Variants in PPARGC1A observed in about 807,000 individuals in gnomAD.
The protein encoded by PPARGC1A is peroxisome proliferator-activated receptor gamma coactivator 1-alpha.
Under a neutral mutation model 88.7 loss-of-function variants are expected in PPARGC1A, and 25 were observed. That is an observed-to-expected ratio of 0.28 (90% CI 0.21 to 0.39). The LOEUF (loss-of-function observed/expected upper bound fraction) is 0.39, where lower values mean the gene tolerates loss of function less well. Ranked by LOEUF, PPARGC1A falls within the 10% of genes least tolerant of loss-of-function variation. The pLI is 1.00. For missense variants in PPARGC1A, 880 were observed against 968.7 expected, an observed-to-expected ratio of 0.91 and a Z score of 1.22; for synonymous variants, 363 against 355.6, an observed-to-expected ratio of 1.02 and a Z score of -0.24.
the PPARGC1A span, among the ~76,000 whole-genome samples, chr4:24,259,191 G>A: frequency 6.6e-5 from 10 of 152,296 alleles, no homozygotes; most frequent in South Asian, 2.1e-3. Context: ...TAAAAGATGG[G>A]TCTCCTTAAA....
the PPARGC1A span, among the ~76,000 whole-genome samples, chr4:24,292,136 C>G: frequency 1.3e-5 from 2 of 152,128 alleles, no homozygotes; most frequent in Non-Finnish European, 1.5e-5. Flanking sequence ...AGACTCGCCT[C>G]CGCCACGGAG....
At chr4:23,904,070 T>C (rs1248573234), upstream of PPARGC1A, 9 of 982,084 alleles carry the variant, frequency 9.2e-6, no homozygotes, top group Non-Finnish European at 9.7e-6. Context: ...ACTGGTATCA[T>C]GAGATGAGGG....
chr4:23,797,949 G>T (rs964682964), intron 12 of PPARGC1A, among the ~76,000 whole-genome samples: 1 of 151,914 alleles, frequency 6.6e-6, no homozygotes, highest in East Asian at 1.9e-4. Context: ...ATTCCACAAC[G>T]AAAGAAGTGA....
the PPARGC1A span, among the ~76,000 whole-genome samples, chr4:24,387,742 AAGAAAGAGAGAGAG>A: frequency 3.7e-5 from 3 of 80,542 alleles, no homozygotes; most frequent in African/African-American, 1.2e-4. Context: ...TCAAGAAAGA[AAGAAAGAGAGAGAG>A]AGAGAGAGAG....
chr4:24,234,665 A>G, the PPARGC1A span, among the ~76,000 whole-genome samples: 1 of 152,338 alleles, frequency 6.6e-6, no homozygotes, highest in Non-Finnish European at 1.5e-5. Context: ...TAAGACGCTT[A>G]CACACTACTG....
chr4:24,392,195 C>A, the PPARGC1A span, among the ~76,000 whole-genome samples: 3 of 152,158 alleles, frequency 2.0e-5, no homozygotes, highest in African/African-American at 7.2e-5. Context: ...TGCCGTCAGT[C>A]ATTAAAACTT....
At chr4:24,054,775 G>GAA in the PPARGC1A span, among the ~76,000 whole-genome samples, 1 of 152,074 alleles carries the variant, frequency 6.6e-6, no homozygotes, top group Non-Finnish European at 1.5e-5. Flanking sequence ...TGTGCTTTAA[G>GAA]GTGTCTTTCA....
chr4:24,009,262 G>T, the PPARGC1A span, among the ~76,000 whole-genome samples: 1 of 151,664 alleles, frequency 6.6e-6, no homozygotes, highest in Non-Finnish European at 1.5e-5. Flanking sequence ...GCGATCTTAC[G>T]TTAATAAGCT....
chr4:24,291,664 T>A, the PPARGC1A span, among the ~76,000 whole-genome samples: 3 of 152,184 alleles, frequency 2.0e-5, no homozygotes, highest in Non-Finnish European at 4.4e-5. Context: ...GTCCTGCTGA[T>A]CCCGAAGCCC....
At chr4:24,280,601 T>C in the PPARGC1A span, among the ~76,000 whole-genome samples, 4 of 152,224 alleles carry the variant, frequency 2.6e-5, no homozygotes, top group Non-Finnish European at 2.9e-5. Context: ...TCCCTGCTAA[T>C]GAGTAGAAAA....
chr4:24,050,250 C>T, the PPARGC1A span, among the ~76,000 whole-genome samples: 11 of 128,772 alleles, frequency 8.5e-5, no homozygotes, highest in African/African-American at 1.1e-4. Context: ...GGCTGGAGTA[C>T]TGTGGCATGA....
At chr4:23,967,012 A>T in the PPARGC1A span, among the ~76,000 whole-genome samples, 4 of 152,188 alleles carry the variant, frequency 2.6e-5, no homozygotes, top group Admixed American at 2.6e-4. Flanking sequence ...AGCCTTGTTG[A>T]CAGCATATGC....
the PPARGC1A span, among the ~76,000 whole-genome samples, chr4:23,936,554 T>C: frequency 1.3e-5 from 2 of 152,120 alleles, no homozygotes; most frequent in Non-Finnish European, 2.9e-5. Context: ...CTGGGGAACA[T>C]GGACAAACCC....
chr4:24,224,302 C>T, the PPARGC1A span, among the ~76,000 whole-genome samples: 1 of 152,020 alleles, frequency 6.6e-6, no homozygotes, highest in African/African-American at 2.4e-5. Context: ...AAGAATAAGA[C>T]AGGTACTCAA....
chr4:23,833,690 A>C (rs551015439), intron 2 of PPARGC1A, among the ~76,000 whole-genome samples: 1 of 152,322 alleles, frequency 6.6e-6, no homozygotes, highest in Non-Finnish European at 1.5e-5. Flanking sequence ...TGTTTTCCTT[A>C]ATTCCTGATC....
intron 10 of PPARGC1A, among the ~76,000 whole-genome samples, chr4:23,810,410 G>C (rs1376436505): frequency 1.3e-5 from 2 of 152,190 alleles, no homozygotes; most frequent in African/African-American, 4.8e-5. Context: ...GTCAACATTT[G>C]TAACACAAAG....
At chr4:24,046,404 G>A in the PPARGC1A span, among the ~76,000 whole-genome samples, 1 of 152,094 alleles carries the variant, frequency 6.6e-6, no homozygotes, top group African/African-American at 2.4e-5. Context: ...CTCTCTCAAA[G>A]GAGCCCCTTC....
the PPARGC1A span, among the ~76,000 whole-genome samples, chr4:24,047,544 G>A: frequency 6.6e-6 from 1 of 152,164 alleles, no homozygotes; most frequent in African/African-American, 2.4e-5. Flanking sequence ...GGAAACTAAG[G>A]CTTAGAGAGG....
the PPARGC1A span, among the ~76,000 whole-genome samples, chr4:24,223,601 A>T: frequency 6.6e-6 from 1 of 152,190 alleles, no homozygotes; most frequent in Non-Finnish European, 1.5e-5. Context: ...TCTTGTTTTC[A>T]ATGTATACAT....
Sources: gnomAD v4.1 joint callset for allele counts (sites outside exome capture counted in the v4.1 genomes callset) on GRCh38, gnomAD v4.1.1 for gene constraint, MANE v1.5 for transcripts, NCBI Gene and HGNC (gene_info 2026-07-23, HGNC 2026-07-21) for gene names.